RALGPS2: variants seen among roughly 807,000 people sequenced by gnomAD.
The protein encoded by RALGPS2 is Ral GEF with PH domain and SH3 binding motif 2, also known as ras-specific guanine nucleotide-releasing factor RalGPS2.
In RALGPS2, 43 loss-of-function variants were observed where a neutral mutation model predicts 86.8. The ratio of observed to expected loss-of-function variants is 0.50; its 90% CI spans 0.39 to 0.64. RALGPS2 has a LOEUF of 0.64. Ranked by LOEUF, RALGPS2 falls within the 30% of genes least tolerant of loss-of-function variation. The pLI is 0.00. For synonymous variants in RALGPS2, 243 were observed against 231.3 expected (o/e 1.05, Z -0.46); for missense variants, 536 against 694.6 (o/e 0.77, Z 2.57).
intron 7 of RALGPS2, among the ~76,000 whole-genome samples, chr1:178,824,476 G>T (rs1558135654): frequency 6.6e-6 from 1 of 152,094 alleles, no homozygotes; most frequent in African/African-American, 2.4e-5. Flanking sequence ...AGATGAAAGA[G>T]AATTAGATTT....
At chr1:178,799,269 G>C (rs1336776886) in intron 4 of RALGPS2, among the ~76,000 whole-genome samples, 1 of 151,984 alleles carries the variant, frequency 6.6e-6, no homozygotes, top group African/African-American at 2.4e-5. Context: ...TTGAACTCCT[G>C]ACCTCATGAT....
chr1:178,779,804 G>A (rs1444451225), intron 2 of RALGPS2, among the ~76,000 whole-genome samples: 1 of 152,200 alleles, frequency 6.6e-6, no homozygotes, highest in Non-Finnish European at 1.5e-5. Flanking sequence ...CACGATCTGG[G>A]CCCATTGCAA....
At chr1:178,863,068 A>G (rs2102329508) in intron 8 of RALGPS2, among the ~76,000 whole-genome samples, 1 of 152,344 alleles carries the variant, frequency 6.6e-6, no homozygotes, top group African/African-American at 2.4e-5. Flanking sequence ...ACTGAGGCAC[A>G]GATAATTTTC....
chr1:178,916,203 A>T, intron 19 of RALGPS2, 127 bp from the exon 20 acceptor site: 1 of 701,260 alleles, frequency 1.4e-6, no homozygotes, highest in South Asian at 1.9e-5. Context: ...GAAGCTCCTT[A>T]TATCAAGTTC....
chr1:178,867,686 T>C (rs1344104463), intron 8 of RALGPS2, among the ~76,000 whole-genome samples: 1 of 151,994 alleles, frequency 6.6e-6, no homozygotes, highest in East Asian at 1.9e-4. Context: ...ATGGATAATT[T>C]TTGGTAGAAT....
chr1:178,752,133 A>ATT (rs201582341), intron 1 of RALGPS2, among the ~76,000 whole-genome samples: 51 of 136,200 alleles, frequency 3.7e-4, no homozygotes, highest in African/African-American at 4.9e-4. Context: ...TTGTGTAGTA[A>ATT]TTTTTTTTTT....
chr1:178,736,507 A>G (rs1650712025), intron 1 of RALGPS2, among the ~76,000 whole-genome samples: 1 of 152,140 alleles, frequency 6.6e-6, no homozygotes, highest in Non-Finnish European at 1.5e-5. Context: ...CTGTTTTCAT[A>G]TGTGTGATAT....
intron 8 of RALGPS2, among the ~76,000 whole-genome samples, chr1:178,869,501 G>A (rs1176820001): frequency 2.0e-5 from 3 of 152,074 alleles, no homozygotes; most frequent in Admixed American, 2.0e-4. Flanking sequence ...CCTTAAGACA[G>A]CGTCAGTAAG....
intron 8 of RALGPS2, among the ~76,000 whole-genome samples, chr1:178,847,776 G>C (rs1656938467): frequency 6.6e-6 from 1 of 152,148 alleles, no homozygotes; most frequent in South Asian, 2.1e-4. Flanking sequence ...GCACTCTCCT[G>C]TCATGACTCA....
At chr1:178,853,477 A>G (rs911216471) in intron 8 of RALGPS2, 1 of 925,774 alleles carries the variant, frequency 1.1e-6, no homozygotes, top group Non-Finnish European at 1.5e-6. Flanking sequence ...ATAATGAAAA[A>G]ACATATGGAT....
At chr1:178,821,588 C>T (rs112640271) in intron 6 of RALGPS2, 24 bp from the exon 7 acceptor site, 6 of 1,573,912 alleles carry the variant, frequency 3.8e-6, no homozygotes, top group South Asian at 1.1e-5. Context: ...CATCCCTCTC[C>T]CCCATTTTTT....
chr1:178,807,253 C>G (rs763409484), intron 4 of RALGPS2, among the ~76,000 whole-genome samples: 1 of 152,086 alleles, frequency 6.6e-6, no homozygotes, highest in Non-Finnish European at 1.5e-5. Context: ...GAAGAATTGC[C>G]TGAGACAGGG....
chr1:178,814,792 T>C (rs907993338), intron 6 of RALGPS2, among the ~76,000 whole-genome samples: 24 of 152,268 alleles, frequency 1.6e-4, no homozygotes, highest in African/African-American at 5.8e-4. Context: ...CCAAACTGAT[T>C]TATATTTATA....
At chr1:178,822,124 A>G (rs1208434092) in intron 7 of RALGPS2, among the ~76,000 whole-genome samples, 2 of 152,192 alleles carry the variant, frequency 1.3e-5, no homozygotes, top group African/African-American at 2.4e-5. Flanking sequence ...TTTAGTGAGT[A>G]AATCTTAAGT....
chr1:178,787,316 C>A (rs1653703146), intron 4 of RALGPS2, among the ~76,000 whole-genome samples: 1 of 151,950 alleles, frequency 6.6e-6, no homozygotes, highest in African/African-American at 2.4e-5. Flanking sequence ...ATAGTATAAG[C>A]CATTTATATA....
intron 8 of RALGPS2, among the ~76,000 whole-genome samples, chr1:178,837,720 A>G (rs1387937515): frequency 1.8e-5 from 2 of 113,138 alleles, no homozygotes; most frequent in East Asian, 5.2e-4. Context: ...GAGCCGAAGC[A>G]GGGCGAGGCA....
rs575845856 is a variant in RALGPS2, at chr1:178,776,733, T to C, written c.-32T>C. ...TGAGGCAGTCAGTCCTCTGTTGCTGTTAACATAAGGTCAGGGACTGATGAG... is the reference window on the plus strand; with the variant it reads ...TGAGGCAGTCAGTCCTCTGTTGCTGCTAACATAAGGTCAGGGACTGATGAG... On this transcript the variant is annotated 5_prime_UTR_variant, in exon 2 of 20. Transcript: ENST00000367635. 1.9e-6 allele frequency: 3 copies of C among 1,580,070 alleles called. No individual in the cohort carries two copies. In the East Asian group the frequency reaches 6.8e-5, roughly 36 times the overall value.
chr1:178,840,187 A>G (rs1656519525), intron 8 of RALGPS2, among the ~76,000 whole-genome samples: 2 of 152,226 alleles, frequency 1.3e-5, no homozygotes, highest in South Asian at 2.1e-4. Context: ...CCCCAAATCA[A>G]CAGAATATAC....
rs2102127767 is a variant in RALGPS2, at chr1:178,784,539, T to C, written c.162+17T>C. 1 of 1,538,552 alleles carries C rather than the reference T, an allele frequency of 6.5e-7. No homozygotes were observed. Among genetic ancestry groups the C allele is most frequent in the East Asian group, 2.3e-5 (1 of 43,850 alleles). On this transcript the variant is annotated intron_variant, in intron 3 of 19. Transcript: ENST00000367635. ...GAATATGCGGTAAGCCTCCTACCTC[T>C]GTCTTCTCCGGTTTTGCACATAATT... is the stretch of plus-strand genomic sequence containing the variant.
Sources: allele counts gnomAD v4.1 joint callset (sites outside exome capture counted in the v4.1 genomes callset), GRCh38; gene constraint gnomAD v4.1.1; transcripts MANE v1.5; gene names NCBI Gene and HGNC (gene_info 2026-07-23, HGNC 2026-07-21).